EYS: variants seen among roughly 807,000 people sequenced by gnomAD.
EYS encodes EGF-like photoreceptor maintenance factor, also known as protein eyes shut homolog.
A neutral mutation model predicts 282.1 loss-of-function variants in EYS; 250 were observed. That is an observed-to-expected ratio of 0.89 (90% CI 0.80 to 0.98). EYS has a LOEUF of 0.98. EYS is among the 50% of genes least tolerant of loss of function. The probability of loss-of-function intolerance (pLI) is 0.00; values close to 1 mark genes in which losing one functional copy is unlikely to be tolerated. For synonymous variants in EYS, 1,355 were observed against 1,282.9 expected, an observed-to-expected ratio of 1.06 and a Z score of -1.20; for missense variants, 4,016 against 3,709.0, an observed-to-expected ratio of 1.08 and a Z score of -2.15.
At chr6:65,012,466 A>C (rs1771904101) in intron 13 of EYS, among the ~76,000 whole-genome samples, 1 of 152,244 alleles carries the variant, frequency 6.6e-6, no homozygotes, top group Non-Finnish European at 1.5e-5. Context: ...ACTTTAAAGC[A>C]GAAAATATAC....
At chr6:64,005,372 C>A (rs934851804) in intron 33 of EYS, among the ~76,000 whole-genome samples, 1 of 152,112 alleles carries the variant, frequency 6.6e-6, no homozygotes, top group African/African-American at 2.4e-5. Flanking sequence ...TATATTAGAT[C>A]TTTGTCAGAT....
chr6:64,408,251 C>T (rs1351604860), intron 28 of EYS, among the ~76,000 whole-genome samples: 1 of 151,944 alleles, frequency 6.6e-6, no homozygotes, highest in Non-Finnish European at 1.5e-5. Flanking sequence ...AAACATAATG[C>T]TTTATAGTTC....
chr6:65,594,840 A>T (rs1380313265), intron 2 of EYS, among the ~76,000 whole-genome samples: 1 of 152,072 alleles, frequency 6.6e-6, no homozygotes, highest in Non-Finnish European at 1.5e-5. Flanking sequence ...TAATTTTTGT[A>T]TAAGGTGTAA....
At chr6:65,503,704 T>G (rs995403273) in intron 2 of EYS, among the ~76,000 whole-genome samples, 1 of 151,718 alleles carries the variant, frequency 6.6e-6, no homozygotes, top group South Asian at 2.1e-4. Flanking sequence ...AACCAATTAA[T>G]AAGAAGACTA....
At chr6:65,377,854 C>T (rs115338376) in intron 8 of EYS, among the ~76,000 whole-genome samples, 1,567 of 152,048 alleles carry the variant, frequency 0.01, 29 homozygotes, top group African/African-American at 0.036. Flanking sequence ...AACTAAACCA[C>T]GAAGAAGTCA....
chr6:65,063,944 C>T (rs76993845), intron 12 of EYS, among the ~76,000 whole-genome samples: 1 of 151,696 alleles, frequency 6.6e-6, no homozygotes, highest in Non-Finnish European at 1.5e-5. Flanking sequence ...GGATTTTACA[C>T]TAAGCTATAT....
chr6:64,594,231 G>T (rs373622621), intron 24 of EYS, among the ~76,000 whole-genome samples: 1 of 152,074 alleles, frequency 6.6e-6, no homozygotes, highest in East Asian at 1.9e-4. Flanking sequence ...TAGATAATTC[G>T]CAACAAAGAA....
At chr6:64,203,803 C>T (rs1267742271) in intron 31 of EYS, among the ~76,000 whole-genome samples, 1 of 152,054 alleles carries the variant, frequency 6.6e-6, no homozygotes, top group East Asian at 1.9e-4. Context: ...AGTAGGCACT[C>T]CATAAATTAT....
intron 8 of EYS, among the ~76,000 whole-genome samples, chr6:65,371,714 T>C (rs910211802): frequency 9.1e-4 from 102 of 111,496 alleles, no homozygotes; most frequent in African/African-American, 3.8e-3. Context: ...TCTCCCTCTC[T>C]CTCTCTCTCT....
intron 2 of EYS, among the ~76,000 whole-genome samples, chr6:65,603,526 G>GT (rs761490020): frequency 2.6e-5 from 4 of 151,766 alleles, no homozygotes; most frequent in Non-Finnish European, 5.9e-5. Context: ...TGAACCCCCT[G>GT]TTACCTGAGA....
chr6:64,504,101 T>A (rs1333388932), intron 26 of EYS, among the ~76,000 whole-genome samples: 1 of 152,090 alleles, frequency 6.6e-6, no homozygotes, highest in Admixed American at 6.5e-5. Flanking sequence ...CTCAAGTAGT[T>A]CCCTATAACA....
chr6:64,864,385 CTTTTTT>C lies in EYS; in HGVS notation c.2992+22306_2992+22311del, dbSNP rs769240399. ...GAGAAATACAGAGGTGCTATACCTT[CTTTTTT>C]TTTTTTTTTTTTTTTGACAGAATCT... is the stretch of plus-strand genomic sequence containing the variant. On this transcript the variant is annotated intron_variant, in intron 19 of 42. Transcript: ENST00000503581. Among the ~76,000 whole-genome samples, 18 of 57,196 alleles carry C rather than the reference CTTTTTT, an allele frequency of 3.1e-4. 1 individual carries two copies. Among genetic ancestry groups the C allele is most frequent in the East Asian group, 7.0e-4 (2 of 2,874 alleles). The allele number at this position is 57,196 out of a possible 152,430, so 37.5% of individuals were successfully genotyped here.
At chr6:64,078,073 A>C (rs1010025609) in intron 32 of EYS, among the ~76,000 whole-genome samples, 1 of 152,006 alleles carries the variant, frequency 6.6e-6, no homozygotes, top group East Asian at 1.9e-4. Context: ...CTGAGACAAA[A>C]TAAATGTGCA....
intron 23 of EYS, among the ~76,000 whole-genome samples, chr6:64,619,927 C>T (rs1047484479): frequency 2.0e-5 from 3 of 152,170 alleles, no homozygotes; most frequent in African/African-American, 2.4e-5. Flanking sequence ...AAATGCTCTA[C>T]GAAAAGGGAG....
At chr6:64,139,191 A>G (rs927144185) in intron 31 of EYS, among the ~76,000 whole-genome samples, 10 of 152,218 alleles carry the variant, frequency 6.6e-5, no homozygotes, top group Non-Finnish European at 1.5e-4. Context: ...AGATGAATAA[A>G]AAGTCTTCAG....
chr6:64,937,080 C>T (rs1768932582), intron 15 of EYS, among the ~76,000 whole-genome samples: 1 of 151,408 alleles, frequency 6.6e-6, no homozygotes, highest in African/African-American at 2.4e-5. Context: ...CCTGAGACAA[C>T]TGGATATTCA....
chr6:65,478,893 G>A (rs1416180740), intron 5 of EYS, among the ~76,000 whole-genome samples: 2 of 152,018 alleles, frequency 1.3e-5, no homozygotes, highest in Non-Finnish European at 2.9e-5. Flanking sequence ...CAAAAATTCT[G>A]TATAAAAACA....
chr6:64,162,257 T>C (rs918450170), intron 31 of EYS, among the ~76,000 whole-genome samples: 2 of 152,210 alleles, frequency 1.3e-5, no homozygotes, highest in African/African-American at 4.8e-5. Context: ...ATGACATTTA[T>C]AAAATATTTC....
chr6:64,933,052 A>T (rs1010911705), intron 15 of EYS, among the ~76,000 whole-genome samples: 1 of 152,082 alleles, frequency 6.6e-6, no homozygotes, highest in African/African-American at 2.4e-5. Context: ...AAAACCAGTA[A>T]ATAGAAACTG....
Sources: gnomAD v4.1 joint callset for allele counts (sites outside exome capture counted in the v4.1 genomes callset) on GRCh38, gnomAD v4.1.1 for gene constraint, MANE v1.5 for transcripts, NCBI Gene and HGNC (gene_info 2026-07-23, HGNC 2026-07-21) for gene names.